MCM3AP: variants seen among roughly 807,000 people sequenced by gnomAD.
The protein encoded by MCM3AP is minichromosome maintenance complex component 3 associated protein, also known as germinal-center associated nuclear protein.
Under a neutral mutation model 184.1 loss-of-function variants are expected in MCM3AP, and 126 were observed. The observed-to-expected ratio is 0.68, with a 90% confidence interval of 0.59 to 0.79. The LOEUF (loss-of-function observed/expected upper bound fraction) is 0.79. Ranked by LOEUF, MCM3AP falls within the 30% of genes least tolerant of loss-of-function variation. The probability of loss-of-function intolerance (pLI) is 0.00; values close to 1 mark genes in which losing one functional copy is unlikely to be tolerated. For synonymous variants in MCM3AP, 1,002 were observed against 979.3 expected (o/e 1.02, Z -0.43); for missense variants, 2,496 against 2,479.2 (o/e 1.01, Z -0.14).
chr21:46,274,735 G>A (rs934381050), intron 6 of MCM3AP, among the ~76,000 whole-genome samples: 6 of 151,796 alleles, frequency 4.0e-5, no homozygotes, highest in African/African-American at 1.5e-4. Context: ...TAGGAGTTCG[G>A]GACCAGCCTG....
chr21:46,235,500 G>T, intron 27 of MCM3AP, 74 bp from the exon 28 acceptor site: 1 of 1,299,016 alleles, frequency 7.7e-7, no homozygotes, highest in Non-Finnish European at 1.1e-6. Context: ...GAAGGTACTA[G>T]ATCTGGATCA....
Position 46,246,900 on chromosome 21 carries a change from A to G in MCM3AP, c.4291-14T>C. 1.9e-6 allele frequency: 3 copies of G among 1,612,606 alleles called. No individual in the cohort carries two copies. The highest frequency in any genetic ancestry group is 2.5e-6 in the Non-Finnish European group (3 of 1,178,830). ...GCCATGGGCCACCTGCAACAGCATC[A>G]AGATCATCAGGAGAGATGCACCATG... On this transcript the variant is annotated splice_polypyrimidine_tract_variant and intron_variant, in intron 20 of 27. Coordinates refer to ENST00000291688, the MANE Select transcript of MCM3AP (RefSeq NM_003906.5).
Position 46,254,829 on chromosome 21 carries a change from T to G in MCM3AP, c.3948A>C (p.Arg1316Ser). ...GISCTRLRRL[R>S]NKTAHQMKVQ... ...CCTTCATCTGGTGAGCTGTCTTGTTTCTGAGCCGCCTTAACCTGCAAAGGA... is the reference window on the plus strand; with the variant it reads ...CCTTCATCTGGTGAGCTGTCTTGTTGCTGAGCCGCCTTAACCTGCAAAGGA... Residue 1316 changes from arginine (R) to serine (S), a missense_variant, in exon 18 of 28, where the codon AGA (arginine) becomes AGC (serine). This residue lies in a region of MCM3AP where 1,323 missense variants were observed against 1,273.4 expected (regional missense o/e 1.04). Coordinates refer to ENST00000291688, the MANE Select transcript of MCM3AP (RefSeq NM_003906.5). 6.2e-7 allele frequency: 1 copy of G among 1,614,104 alleles called. No individual in the cohort carries two copies. The highest frequency in any genetic ancestry group is 1.3e-5 in the African/African-American group (1 of 75,026).
Position 46,284,123 on chromosome 21 carries a change from G to A in MCM3AP, c.1164C>T (p.Ser388=), listed in dbSNP as rs778805986. Residue 388 remains serine (S), a synonymous_variant, in exon 1 of 28, where the codon TCC becomes TCT. Coordinates refer to ENST00000291688, the MANE Select transcript of MCM3AP (RefSeq NM_003906.5). Reference sequence around the variant, plus strand: ...CCTCTTTATTCACACCTGGAATCCGGGAAGGTGCCAGGACAGACTGATTCC... The same window carrying A: ...CCTCTTTATTCACACCTGGAATCCGAGAAGGTGCCAGGACAGACTGATTCC... ...PGGNQSVLAP[S]RIPGVNKEEE... is the part of the protein sequence containing the mutation. 1 of 1,614,008 alleles carries A rather than the reference G, an allele frequency of 6.2e-7. No individual in the cohort carries two copies.
chr21:46,247,162 C>G (rs1047322464), intron 20 of MCM3AP: 130 of 372,952 alleles, frequency 3.5e-4, no homozygotes. Context: ...TTATGTTGCC[C>G]AGGCTGGTCT....
intron 10 of MCM3AP, 100 bp downstream of exon 10, chr21:46,266,882 T>C (rs2081119040): frequency 7.6e-7 from 1 of 1,322,470 alleles, no homozygotes; most frequent in Non-Finnish European, 1.0e-6. Context: ...GGAATGCACC[T>C]TCTTCAAGTC....
chr21:46,280,087 C>T lies in MCM3AP; in HGVS notation c.1573G>A (p.Glu525Lys). 6.2e-7 allele frequency: 1 copy of T among 1,614,232 alleles called. No individual in the cohort carries two copies. The highest frequency in any genetic ancestry group is 8.5e-7 in the Non-Finnish European group (1 of 1,180,038). ...SLKEKKPGDG[E>K]VSPSTEDAPF... ...GCATCCTCTGTGCTCGGGCTGACTTCACCGTCACCTGGTTTCTTCTCCTTC... is the reference window on the plus strand; with the variant it reads ...GCATCCTCTGTGCTCGGGCTGACTTTACCGTCACCTGGTTTCTTCTCCTTC... The change falls in exon 4 of 28, where the codon GAA becomes AAA. Residue 525 changes from glutamate to lysine, a missense_variant. Around this residue, in one of 5 missense-constraint regions of MCM3AP, gnomAD observed 800 missense variants for 717.1 expected, o/e 1.12. Coordinates refer to ENST00000291688, the MANE Select transcript of MCM3AP (RefSeq NM_003906.5).
chr21:46,266,776 A>C (rs2081117729), intron 10 of MCM3AP: 1 of 574,044 alleles, frequency 1.7e-6, no homozygotes, highest in African/African-American at 1.9e-5. Flanking sequence ...GTCACAAAGA[A>C]CTTGGTCTGA....
intron 2 of MCM3AP, among the ~76,000 whole-genome samples, chr21:46,282,450 G>A (rs2081345619): frequency 6.6e-6 from 1 of 152,160 alleles, no homozygotes; most frequent in African/African-American, 2.4e-5. Flanking sequence ...AGAAAAAATA[G>A]TGACGATATA....
intron 2 of MCM3AP, among the ~76,000 whole-genome samples, chr21:46,282,079 G>T (rs1019058176): frequency 8.5e-5 from 13 of 152,094 alleles, no homozygotes; most frequent in African/African-American, 3.1e-4. Context: ...AAGGCAGGAG[G>T]ACAGCTTGAG....
intron 26 of MCM3AP, among the ~76,000 whole-genome samples, chr21:46,239,584 T>G (rs1197990875): frequency 6.6e-6 from 1 of 152,086 alleles, no homozygotes; most frequent in South Asian, 2.1e-4. Flanking sequence ...GGAACTGGAT[T>G]TGGGATATGT....
At position 46,279,701 on chromosome 21, in the gene MCM3AP, G is replaced by C. The variant is rs557494936; in HGVS notation, c.1667+292C>G. ...GCAACCTTGGCCCTAGGGTATATGA[G>C]AACAAGACAGGACAGAATCACTGCT... On this transcript the variant is annotated intron_variant, in intron 4 of 27. Transcript: ENST00000291688. Among the ~76,000 whole-genome samples, 44 of 152,338 alleles carry C rather than the reference G, an allele frequency of 2.9e-4. No individual in the cohort carries two copies. In the South Asian group the frequency reaches 9.1e-3, roughly 32 times the overall value.
At chr21:46,259,330 C>T (rs963078893) in intron 15 of MCM3AP, 3 of 311,774 alleles carry the variant, frequency 9.6e-6, no homozygotes, top group Admixed American at 1.0e-4. Context: ...GTGGCGGGCG[C>T]CTGTAGTCCC....
chr21:46,262,730 G>A (rs2030072423), intron 13 of MCM3AP, among the ~76,000 whole-genome samples: 1 of 152,044 alleles, frequency 6.6e-6, no homozygotes, highest in Admixed American at 6.5e-5. Context: ...CACTTTGGGA[G>A]GCCGAGGCGG....
chr21:46,247,117 C>G (rs1307424207), intron 20 of MCM3AP: 2 of 494,570 alleles, frequency 4.0e-6, no homozygotes, highest in Non-Finnish European at 7.1e-6. Flanking sequence ...AAAGACTCCC[C>G]TCAACCTTTT....
At chr21:46,249,832 C>T (rs1467089955) in intron 20 of MCM3AP, 4 of 238,172 alleles carry the variant, frequency 1.7e-5, no homozygotes, top group Non-Finnish European at 3.4e-5. Context: ...GAGGCTTGGG[C>T]AGTTTATTTT....
At position 46,236,900 on chromosome 21, in the gene MCM3AP, G is replaced by A. The variant is rs201196911; in HGVS notation, c.5713C>T (p.Pro1905Ser). The A allele has an allele frequency of 1.5e-4, 230 of 1,565,572 alleles. 1 individual carries two copies. Among genetic ancestry groups the A allele is most frequent in the South Asian group, 1.4e-3 (115 of 81,284 alleles). Residue 1905 changes from proline (P) to serine (S), a missense_variant, in exon 27 of 28, where the codon CCT (proline) becomes TCT (serine). Physicochemically the swap from Pro to Ser is moderately conservative, Grantham distance 74. This residue lies in a region of MCM3AP where 1,323 missense variants were observed against 1,273.4 expected (regional missense o/e 1.04). Transcript: ENST00000291688. ...TDLTSLPLYL[P>S]QTLVSLSHTI... ...TGAGAAAGAGACACTAGAGTCTGAG[G>A]AAGATAGAGGGGAAGGGAAGTTAAA...
rs1011783190 is a variant in MCM3AP at position 46,272,581 on chromosome 21, G to A, written c.2445C>T (p.Leu815=). 6.2e-7 allele frequency: 1 copy of A among 1,613,858 alleles called. No individual in the cohort carries two copies. The highest frequency in any genetic ancestry group is 1.3e-5 in the African/African-American group (1 of 74,912). ...EFQGYNVLLS[L]NKGDILREVQ... is the part of the protein sequence containing the mutation. The stretch of plus-strand genomic sequence containing the variant: ...TTCACCTTAGGATGTCTCCCTTGTT[G>A]AGACTGAGCAGAACATTGTAGCCCT... Residue 815 remains leucine (L), a synonymous_variant, in exon 8 of 28, where the codon CTC becomes CTT. Transcript: ENST00000291688.
chr21:46,267,406 T>C lies in MCM3AP; in HGVS notation c.2629-264A>G, dbSNP rs2145682998. 1.9e-5 allele frequency: 8 copies of C among 430,572 alleles called. No individual in the cohort carries two copies. In the South Asian group the frequency reaches 2.4e-4, roughly 13 times the overall value. 26.7% of individuals were successfully genotyped at this position (430,572 alleles called of 1,614,324 possible). On this transcript the variant is annotated intron_variant, in intron 9 of 27. Coordinates refer to ENST00000291688, the MANE Select transcript of MCM3AP (RefSeq NM_003906.5). Reference sequence around the variant, plus strand: ...AAGGTTTTATTCATAAGAGAAATCATGAAACAAACTGTCCATCAACAAGAC... The same window carrying C: ...AAGGTTTTATTCATAAGAGAAATCACGAAACAAACTGTCCATCAACAAGAC...
Sources: gnomAD v4.1 joint callset for allele counts (sites outside exome capture counted in the v4.1 genomes callset) on GRCh38, gnomAD v4.1.1 for gene constraint, gnomAD v4.1.1 regional missense constraint, MANE v1.5 for transcripts, NCBI Gene and HGNC (gene_info 2026-07-23, HGNC 2026-07-21) for gene names.